Variants in KYAT3 observed in about 807,000 individuals in gnomAD.
The protein encoded by KYAT3 is kynurenine aminotransferase 3, also known as kynurenine--oxoglutarate transaminase 3.
Under a neutral mutation model 59.0 loss-of-function variants are expected in KYAT3, and 50 were observed. The observed-to-expected ratio is 0.85, with a 90% CI of 0.68 to 1.07. The LOEUF is 1.07. Ranked by LOEUF, KYAT3 falls within the 50% of genes least tolerant of loss-of-function variation. The pLI is 0.00. For synonymous variants in KYAT3, 148 were observed against 177.0 expected, an observed-to-expected ratio of 0.84 and a Z score of 1.30; for missense variants, 497 against 533.3, an observed-to-expected ratio of 0.93 and a Z score of 0.67.
At chr1:88,966,122 A>G (rs756669862) in intron 4 of KYAT3, among the ~76,000 whole-genome samples, 19 of 152,314 alleles carry the variant, frequency 1.2e-4, no homozygotes, top group Middle Eastern at 3.4e-3. Flanking sequence ...GCCTGGTGAT[A>G]GTGCAACACC....
At chr1:88,936,867 A>G (rs755646356) in intron 13 of KYAT3, among the ~76,000 whole-genome samples, 8 of 152,178 alleles carry the variant, frequency 5.3e-5, no homozygotes, top group Non-Finnish European at 1.0e-4. Context: ...TTCTCTCTCC[A>G]TCAGAATGAT....
At chr1:88,984,011 C>A (rs1490335948) in intron 2 of KYAT3, 11 of 514,436 alleles carry the variant, frequency 2.1e-5, no homozygotes, top group Non-Finnish European at 3.9e-5. Flanking sequence ...ATTCAAAAAA[C>A]CAGGAAAATT....
At chr1:88,985,246 T>C (rs1677383534) in intron 2 of KYAT3, among the ~76,000 whole-genome samples, 2 of 152,196 alleles carry the variant, frequency 1.3e-5, no homozygotes, top group African/African-American at 4.8e-5. Context: ...TGCGTGAGTA[T>C]TGTCCTCACC....
At chr1:88,921,332 G>A in the KYAT3 span, among the ~76,000 whole-genome samples, 1 of 152,170 alleles carries the variant, frequency 6.6e-6, no homozygotes, top group Non-Finnish European at 1.5e-5. Context: ...AGCCCTCCTT[G>A]AGCACTTTTG....
chr1:88,954,524 A>G (rs888209047), intron 9 of KYAT3, among the ~76,000 whole-genome samples: 3 of 152,092 alleles, frequency 2.0e-5, no homozygotes, highest in Admixed American at 1.3e-4. Flanking sequence ...AGCTACTATT[A>G]TTTTTCTCCT....
the KYAT3 span, among the ~76,000 whole-genome samples, chr1:88,927,891 C>T: frequency 1.3e-5 from 2 of 152,170 alleles, no homozygotes; most frequent in African/African-American, 4.8e-5. Flanking sequence ...GCCATAACTG[C>T]AGCCCGAGAG....
At chr1:88,958,900 A>G (rs1462733547) in intron 8 of KYAT3, among the ~76,000 whole-genome samples, 1 of 152,188 alleles carries the variant, frequency 6.6e-6, no homozygotes, top group East Asian at 1.9e-4. Context: ...AACAAAGTTT[A>G]TACTCTATCT....
intron 10 of KYAT3, among the ~76,000 whole-genome samples, chr1:88,951,154 C>T (rs1465392821): frequency 6.6e-6 from 1 of 152,196 alleles, no homozygotes; most frequent in Non-Finnish European, 1.5e-5. Flanking sequence ...CACTGTATAT[C>T]TCCCACCTGG....
At chr1:88,981,280 A>G (rs1677073889) in intron 2 of KYAT3, 1 of 152,224 alleles carries the variant, frequency 6.6e-6, no homozygotes. Context: ...ACTTACTGAC[A>G]AGACACTTCA....
chr1:88,968,626 T>G (rs766926734), intron 4 of KYAT3, 44 bp downstream of exon 4: 1 of 1,457,610 alleles, frequency 6.9e-7, no homozygotes, highest in Non-Finnish European at 9.1e-7. Flanking sequence ...CACACCCCAG[T>G]ATAAAATAAA....
chr1:88,943,112 TATA>T, intron 12 of KYAT3, 21 bp from the exon 13 acceptor site: 1 of 1,550,518 alleles, frequency 6.4e-7, no homozygotes, highest in Admixed American at 1.7e-5. Flanking sequence ...AATAGAAACA[TATA>T]ATAAGAAAAC....
chr1:88,968,581 T>A, intron 4 of KYAT3, 89 bp downstream of exon 4: 1 of 1,065,666 alleles, frequency 9.4e-7, no homozygotes, highest in South Asian at 2.2e-5. Flanking sequence ...CACTTATATA[T>A]GAATGACAGA....
intron 13 of KYAT3, 116 bp from the exon 14 acceptor site, chr1:88,936,361 G>T (rs951295363): frequency 2.5e-6 from 2 of 788,372 alleles, no homozygotes; most frequent in Non-Finnish European, 3.9e-6. Context: ...CTCAAGTGAA[G>T]AAAAATTTTC....
chr1:88,968,059 C>G (rs1224501291), intron 4 of KYAT3, among the ~76,000 whole-genome samples: 2 of 152,084 alleles, frequency 1.3e-5, no homozygotes, highest in Non-Finnish European at 2.9e-5. Flanking sequence ...AAAGCAAAAC[C>G]CTTCTATGGA....
chr1:88,935,151 G>A (rs1250871907), downstream of KYAT3, among the ~76,000 whole-genome samples: 8 of 149,980 alleles, frequency 5.3e-5, no homozygotes, highest in Non-Finnish European at 7.4e-5. Context: ...ACGCCACCAC[G>A]CCCAGCCAAT....
At chr1:88,926,588 T>G in the KYAT3 span, among the ~76,000 whole-genome samples, 1 of 152,142 alleles carries the variant, frequency 6.6e-6, no homozygotes, top group African/African-American at 2.4e-5. Flanking sequence ...AGTGCTAGGA[T>G]TACAGATGTG....
intron 11 of KYAT3, among the ~76,000 whole-genome samples, chr1:88,946,306 T>C (rs13376222): frequency 0.04 from 5,801 of 145,808 alleles, 323 homozygotes; most frequent in African/African-American, 0.12. Flanking sequence ...TTGCTTTCTT[T>C]CCCTCCTATG....
the KYAT3 span, among the ~76,000 whole-genome samples, chr1:88,924,793 T>C: frequency 6.6e-5 from 10 of 152,230 alleles, no homozygotes; most frequent in African/African-American, 2.4e-4. Flanking sequence ...TGTTCCTGCA[T>C]GGCTAAGTGC....
chr1:88,971,672 G>C (rs896299770), intron 2 of KYAT3, among the ~76,000 whole-genome samples: 6 of 152,130 alleles, frequency 3.9e-5, no homozygotes, highest in Admixed American at 2.0e-4. Flanking sequence ...TGCCCTTGTT[G>C]AGAGTGCATG....
Sources: allele counts gnomAD v4.1 joint callset (sites outside exome capture counted in the v4.1 genomes callset), GRCh38; gene constraint gnomAD v4.1.1; transcripts MANE v1.5; gene names NCBI Gene and HGNC (gene_info 2026-07-23, HGNC 2026-07-21).